The following MAST4 variants were observed in gnomAD, a reference collection of about 807,000 sequenced individuals.
The protein encoded by MAST4 is microtubule-associated serine/threonine-protein kinase 4.
In MAST4, 89 loss-of-function variants were observed where a neutral mutation model predicts 162.7. The ratio of observed to expected loss-of-function variants is 0.55; its 90% CI spans 0.46 to 0.65. The LOEUF (loss-of-function observed/expected upper bound fraction) is 0.65. Among genes scored for constraint, MAST4 ranks in the 30% least tolerant of loss-of-function variants. The pLI is 0.00. For missense variants in MAST4, 3,153 were observed against 3,374.0 expected (o/e 0.93, Z 1.62); for synonymous variants, 1,479 against 1,361.1 (o/e 1.09, Z -1.91).
chr5:66,816,548 G>T (rs944651616), intron 3 of MAST4, among the ~76,000 whole-genome samples: 1 of 152,174 alleles, frequency 6.6e-6, no homozygotes, highest in Non-Finnish European at 1.5e-5. Context: ...AAGAGAAAGG[G>T]ACAGAATTTG....
intron 4 of MAST4, among the ~76,000 whole-genome samples, chr5:66,920,097 C>G (rs1466084926): frequency 1.4e-5 from 2 of 147,432 alleles, no homozygotes; most frequent in Non-Finnish European, 3.0e-5. Context: ...ATTTAAGTAG[C>G]AAAGAGGAAA....
intron 1 of MAST4, among the ~76,000 whole-genome samples, chr5:66,623,969 A>G (rs921795398): frequency 5.3e-5 from 8 of 152,100 alleles, no homozygotes; most frequent in Non-Finnish European, 8.8e-5. Flanking sequence ...TCAACAATAA[A>G]CTCTCTAAAA....
chr5:66,973,769 C>T (rs182124232), intron 4 of MAST4, among the ~76,000 whole-genome samples: 3 of 152,254 alleles, frequency 2.0e-5, no homozygotes, highest in Non-Finnish European at 2.9e-5. Context: ...AGAATATTCC[C>T]TCCTTTCTCT....
At chr5:66,686,992 T>C (rs1187947495) in intron 1 of MAST4, among the ~76,000 whole-genome samples, 1 of 152,224 alleles carries the variant, frequency 6.6e-6, no homozygotes, top group Non-Finnish European at 1.5e-5. Flanking sequence ...GTGCAAAGAA[T>C]GTTCTTAAAT....
rs1392257149 is a variant in MAST4, at chr5:67,078,892, ATT to A, written c.764-11268_764-11267del. The stretch of plus-strand genomic sequence containing the variant: ...TATATTTATATAAATATATTTATAT[ATT>A]TATATATTTTTATATAAATATATAT... On this transcript the variant is annotated intron_variant, in intron 5 of 28. Transcript: ENST00000403625. Among the ~76,000 whole-genome samples the A allele has an allele frequency of 1.5e-4, 13 of 85,714 alleles. No individual in the cohort carries two copies. In the South Asian group the frequency reaches 1.8e-3, roughly 12 times the overall value. 56.2% of individuals were successfully genotyped at this position (85,714 alleles called of 152,430 possible). A position where few individuals can be genotyped will look rare whatever the true frequency, so the allele number is the denominator to read the frequency against.
At chr5:66,937,891 TA>T (rs1439451255) in intron 4 of MAST4, among the ~76,000 whole-genome samples, 4 of 152,132 alleles carry the variant, frequency 2.6e-5, no homozygotes, top group African/African-American at 9.6e-5. Flanking sequence ...AGTTAACCCA[TA>T]TTTTTTTATG....
intron 4 of MAST4, among the ~76,000 whole-genome samples, chr5:66,908,590 C>T (rs1301619393): frequency 6.6e-6 from 1 of 152,010 alleles, no homozygotes; most frequent in East Asian, 1.9e-4. Flanking sequence ...CAGAAGTTCC[C>T]TATTTCATAT....
intron 1 of MAST4, among the ~76,000 whole-genome samples, chr5:66,690,020 G>C (rs1044481404): frequency 2.6e-5 from 4 of 152,108 alleles, no homozygotes; most frequent in Non-Finnish European, 4.4e-5. Context: ...TGAACAGCTG[G>C]AATCCTTTCA....
intron 3 of MAST4, among the ~76,000 whole-genome samples, chr5:66,879,503 T>G (rs1761548581): frequency 6.6e-6 from 1 of 151,930 alleles, no homozygotes; most frequent in Non-Finnish European, 1.5e-5. Context: ...ATAGCTTGCT[T>G]TCTTTGTTTT....
intron 3 of MAST4, among the ~76,000 whole-genome samples, chr5:66,832,807 T>C (rs912421878): frequency 6.6e-6 from 1 of 152,242 alleles, no homozygotes; most frequent in African/African-American, 2.4e-5. Flanking sequence ...ACATTTATGA[T>C]AATATTAATT....
chr5:66,736,136 G>A (rs554475066), intron 1 of MAST4, among the ~76,000 whole-genome samples: 1 of 152,010 alleles, frequency 6.6e-6, no homozygotes, highest in Non-Finnish European at 1.5e-5. Flanking sequence ...AACCTTACTT[G>A]CATACCATTG....
chr5:66,669,683 A>G (rs6892768), intron 1 of MAST4, among the ~76,000 whole-genome samples: 80,803 of 151,960 alleles, frequency 0.53, 22,781 homozygotes, highest in African/African-American at 0.71. Flanking sequence ...TGCTGCTTGC[A>G]GTGCCTGCAC....
Position 67,165,212 on chromosome 5 carries a change from C to G in MAST4, c.6033C>G (p.Asn2011Lys). 3 of 1,611,050 alleles carry G rather than the reference C, an allele frequency of 1.9e-6. No homozygotes were observed. The highest frequency in any genetic ancestry group is 2.5e-6 in the Non-Finnish European group (3 of 1,178,656). The stretch of plus-strand genomic sequence containing the variant: ...CAGAAACTGCGAAAACCAGTGACAA[C>G]TCCAAAAATCTCCTCTCTGTGGGAA... ...CFPETAKTSD[N>K]SKNLLSVGRT... Residue 2011 changes from asparagine (N) to lysine (K), a missense_variant, in exon 29 of 29, where the codon AAC becomes AAG. Physicochemically the swap from Asn to Lys is moderately conservative, Grantham distance 94. Around this residue, in one of 7 missense-constraint regions of MAST4, gnomAD observed 1,644 missense variants for 1,495.0 expected, o/e 1.10. Transcript: ENST00000403625.
chr5:66,941,266 G>T (rs1371862836), intron 4 of MAST4, among the ~76,000 whole-genome samples: 1 of 152,090 alleles, frequency 6.6e-6, no homozygotes, highest in Non-Finnish European at 1.5e-5. Flanking sequence ...TTGAAGTCAG[G>T]CATTGACTTC....
At chr5:66,700,800 T>TACACAC (rs10522165) in intron 1 of MAST4, among the ~76,000 whole-genome samples, 54 of 91,168 alleles carry the variant, frequency 5.9e-4, no homozygotes, top group African/African-American at 2.0e-3. Context: ...TATATATATA[T>TACACAC]ACACACACAC....
In MAST4 at chr5:66,951,596, ATATGTG is replaced by A. The variant is rs1163200335; in HGVS notation, c.674+51616_674+51621del. On this transcript the variant is annotated intron_variant, in intron 4 of 28. Coordinates refer to ENST00000403625, the MANE Select transcript of MAST4 (RefSeq NM_001164664.2). The stretch of plus-strand genomic sequence containing the variant: ...AGAGGCCATTATTTTGCCTCCCATG[ATATGTG>A]TGTGTGTGTGTGTGTGTGTGTGTGT... Among the ~76,000 whole-genome samples, 110 of 114,888 alleles carry A rather than the reference ATATGTG, an allele frequency of 9.6e-4. 1 individual carries two copies. Among genetic ancestry groups the A allele is most frequent in the Admixed American group, 1.7e-3 (18 of 10,868 alleles). 75.4% of individuals were successfully genotyped at this position (114,888 alleles called of 152,430 possible).
At chr5:66,721,003 A>G (rs2149538232) in intron 1 of MAST4, among the ~76,000 whole-genome samples, 1 of 151,934 alleles carries the variant, frequency 6.6e-6, no homozygotes, top group South Asian at 2.1e-4. Flanking sequence ...AACTATTCAC[A>G]CTTCTGCCTA....
chr5:66,599,157 C>T (rs1742390500), intron 1 of MAST4, among the ~76,000 whole-genome samples: 1 of 152,142 alleles, frequency 6.6e-6, no homozygotes, highest in Non-Finnish European at 1.5e-5. Context: ...TTTTTCCCCT[C>T]TTATGGAGTA....
At chr5:66,795,507 T>C (rs908617006) in intron 3 of MAST4, among the ~76,000 whole-genome samples, 1 of 152,192 alleles carries the variant, frequency 6.6e-6, no homozygotes, top group African/African-American at 2.4e-5. Flanking sequence ...TTTATACTTT[T>C]AGATTGGTAA....
Sources: gnomAD v4.1 joint callset for allele counts (sites outside exome capture counted in the v4.1 genomes callset) on GRCh38, gnomAD v4.1.1 for gene constraint, gnomAD v4.1.1 regional missense constraint, MANE v1.5 for transcripts, NCBI Gene and HGNC (gene_info 2026-07-23, HGNC 2026-07-21) for gene names.